WDR43: variants seen among roughly 807,000 people sequenced by gnomAD.
The protein encoded by WDR43 is WD repeat-containing protein 43.
A neutral mutation model predicts 91.4 loss-of-function variants in WDR43; 13 were observed. The ratio of observed to expected loss-of-function variants is 0.14; its 90% CI spans 0.09 to 0.23. The LOEUF (loss-of-function observed/expected upper bound fraction) is 0.23, where lower values mean the gene tolerates loss of function less well. Among genes scored for constraint, WDR43 ranks in the 10% least tolerant of loss-of-function variants. WDR43 has a pLI of 1.00. For missense variants in WDR43, 780 were observed against 809.4 expected, an observed-to-expected ratio of 0.96 and a Z score of 0.44; for synonymous variants, 331 against 287.9, an observed-to-expected ratio of 1.15 and a Z score of -1.51.
chr2:28,919,427 G>A (rs1422960973), intron 6 of WDR43, among the ~76,000 whole-genome samples: 5 of 152,178 alleles, frequency 3.3e-5, no homozygotes, highest in Admixed American at 2.0e-4. Context: ...CCAGCACTTT[G>A]GGAGGCCGAG....
At chr2:28,911,298 CTT>C (rs11384391) in intron 3 of WDR43, among the ~76,000 whole-genome samples, 6 of 145,084 alleles carry the variant, frequency 4.1e-5, no homozygotes, top group Non-Finnish European at 6.1e-5. Flanking sequence ...TTAATAACCT[CTT>C]TTTTTTTTTT....
chr2:28,922,816 T>TTGTG, intron 6 of WDR43, 103 bp from the exon 7 acceptor site: 1 of 447,232 alleles, frequency 2.2e-6, no homozygotes, highest in Non-Finnish European at 3.8e-6. Context: ...TTTTTTTTTC[T>TTGTG]GGTTGTGTAA....
At position 28,926,570 on chromosome 2, in the gene WDR43, A is replaced by G. The variant is rs752609535; in HGVS notation, c.1173+16A>G. 2.6e-6 allele frequency: 4 copies of G among 1,565,180 alleles called. No homozygotes were observed. The South Asian group carries it at 4.8e-5, about 19-fold the overall frequency. ...TATAACAAAGGTGAGCACATTACAA[A>G]TTTGAAGTTTTAAGAAAAAGAATAT... On this transcript the variant is annotated intron_variant, in intron 9 of 17. Coordinates refer to ENST00000407426, the MANE Select transcript of WDR43 (RefSeq NM_015131.3).
chr2:28,906,638 G>A (rs1670687447), intron 3 of WDR43, 57 bp downstream of exon 3: 3 of 1,569,794 alleles, frequency 1.9e-6, no homozygotes, highest in South Asian at 1.2e-5. Flanking sequence ...TGCTGGACTT[G>A]TGGGGAATGC....
intron 2 of WDR43, among the ~76,000 whole-genome samples, chr2:28,903,076 AT>A (rs547307416): frequency 2.0e-5 from 3 of 152,212 alleles, no homozygotes; most frequent in Admixed American, 6.5e-5. Flanking sequence ...CATTAAAAAA[AT>A]ATAGTTGGCT....
intron 3 of WDR43, among the ~76,000 whole-genome samples, chr2:28,909,022 G>A (rs920507430): frequency 6.6e-6 from 1 of 152,052 alleles, no homozygotes; most frequent in Non-Finnish European, 1.5e-5. Flanking sequence ...TCTATTAGTG[G>A]TATAAATCTT....
At chr2:28,902,235 C>A in intron 2 of WDR43, 111 bp downstream of exon 2, 2 of 1,113,450 alleles carry the variant, frequency 1.8e-6, no homozygotes, top group Non-Finnish European at 2.5e-6. Flanking sequence ...GCAGTAGGGA[C>A]AGTTTTCAGT....
At chr2:28,913,608 A>G (rs1227165580) in intron 4 of WDR43, 2 of 514,910 alleles carry the variant, frequency 3.9e-6, no homozygotes, top group Non-Finnish European at 7.8e-6. Context: ...GTGGAGATTT[A>G]GTATTATATT....
At position 28,935,676 on chromosome 2, in the gene WDR43, G is replaced by A. The variant is rs1394320041; in HGVS notation, c.1524+69G>A. 1.1e-5 allele frequency: 12 copies of A among 1,075,050 alleles called. No homozygotes were observed. In the Admixed American group the frequency reaches 1.8e-4, roughly 16 times the overall value. 66.6% of individuals were successfully genotyped at this position (1,075,050 alleles called of 1,614,324 possible). ...TTAAATGGAAAATTCAGTAGTTAGA[G>A]AAATGGATTTGTAATACGTAAGGAC... On this transcript the variant is annotated intron_variant, in intron 12 of 17. Transcript: ENST00000407426.
chr2:28,908,830 C>A (rs1010464863), intron 3 of WDR43, among the ~76,000 whole-genome samples: 2 of 152,140 alleles, frequency 1.3e-5, no homozygotes, highest in African/African-American at 4.8e-5. Context: ...CCTTCCAGTT[C>A]TCTCAATATT....
intron 16 of WDR43, among the ~76,000 whole-genome samples, chr2:28,944,854 T>A (rs984505951): frequency 6.6e-6 from 1 of 152,220 alleles, no homozygotes. Flanking sequence ...GATTTACCTC[T>A]CCGGCCAGGC....
Position 28,902,002 on chromosome 2 carries a change from A to C in WDR43, c.241A>C (p.Lys81Gln). ...RLQAKESPQRKKRKSEAVGMS... is the reference protein window; with the variant it reads ...RLQAKESPQRQKRKSEAVGMS... ...TTTTTTCCAGGAAAGTCCCCAGAGGAAAAAAAGGAAATCAGAAGCTGTAGG... is the reference window on the plus strand; with the variant it reads ...TTTTTTCCAGGAAAGTCCCCAGAGGCAAAAAAGGAAATCAGAAGCTGTAGG... Residue 81 changes from lysine (K) to glutamine (Q), a missense_variant, in exon 2 of 18, where the codon AAA (lysine) becomes CAA (glutamine). This residue lies in a region of WDR43 where 175 missense variants were observed against 113.8 expected (regional missense o/e 1.54). Coordinates refer to ENST00000407426, the MANE Select transcript of WDR43 (RefSeq NM_015131.3). 6.3e-7 allele frequency: 1 copy of C among 1,588,966 alleles called. No homozygotes were observed. Among genetic ancestry groups the C allele is most frequent in the Non-Finnish European group, 8.5e-7 (1 of 1,173,020 alleles).
At chr2:28,913,055 G>A (rs892986983) in intron 4 of WDR43, among the ~76,000 whole-genome samples, 2 of 142,688 alleles carry the variant, frequency 1.4e-5, no homozygotes, top group South Asian at 4.5e-4. Flanking sequence ...CAGGTTCACC[G>A]CCATTCTCCT....
intron 11 of WDR43, among the ~76,000 whole-genome samples, chr2:28,930,321 A>G (rs967276745): frequency 9.9e-5 from 15 of 152,218 alleles, no homozygotes; most frequent in African/African-American, 3.4e-4. Flanking sequence ...ACAGTTTGAC[A>G]GCATTCTATC....
intron 5 of WDR43, 100 bp downstream of exon 5, chr2:28,914,308 C>A: frequency 7.4e-7 from 1 of 1,342,942 alleles, no homozygotes; most frequent in Non-Finnish European, 9.9e-7. Flanking sequence ...TTTGTTGTAT[C>A]TAATGTTGGA....
chr2:28,929,742 C>A, intron 11 of WDR43, 32 bp downstream of exon 11: 1 of 1,593,008 alleles, frequency 6.3e-7, no homozygotes, highest in Non-Finnish European at 8.6e-7. Flanking sequence ...ACTAAATTAA[C>A]ATGGTTAATA....
At chr2:28,937,149 T>TA (rs961523529) in intron 13 of WDR43, among the ~76,000 whole-genome samples, 196 bp downstream of exon 13, 33 of 152,346 alleles carry the variant, frequency 2.2e-4, no homozygotes, top group African/African-American at 7.7e-4. Context: ...CCTAAATTGA[T>TA]ACTTTAGCTT....
At chr2:28,936,856 C>T in intron 12 of WDR43, 66 bp from the exon 13 acceptor site, 2 of 1,346,986 alleles carry the variant, frequency 1.5e-6, no homozygotes, top group Non-Finnish European at 2.1e-6. Context: ...GTCATTGTAT[C>T]ATAGGAATTG....
chr2:28,931,359 C>T (rs1339399574), intron 11 of WDR43, among the ~76,000 whole-genome samples: 3 of 152,206 alleles, frequency 2.0e-5, no homozygotes, highest in African/African-American at 4.8e-5. Flanking sequence ...GGATTACAGG[C>T]GTGAGCCACT....
Sources: allele counts gnomAD v4.1 joint callset (sites outside exome capture counted in the v4.1 genomes callset), GRCh38; gene constraint gnomAD v4.1.1; regional missense constraint gnomAD v4.1.1; transcripts MANE v1.5; gene names NCBI Gene and HGNC (gene_info 2026-07-23, HGNC 2026-07-21).